ZBBX: variants seen among roughly 807,000 people sequenced by gnomAD.
ZBBX encodes the protein zinc finger B-box domain containing, also known as zinc finger B-box domain-containing protein 1.
In ZBBX, 101 loss-of-function variants were observed where a neutral mutation model predicts 108.5. The ratio of observed to expected loss-of-function variants is 0.93; its 90% CI spans 0.79 to 1.10. The LOEUF (loss-of-function observed/expected upper bound fraction) is 1.10, where lower values mean the gene tolerates loss of function less well. ZBBX is among the 50% of genes least tolerant of loss of function. The pLI is 0.00. For missense variants in ZBBX, 1,009 were observed against 941.4 expected (o/e 1.07, Z -0.94); for synonymous variants, 356 against 323.4 (o/e 1.10, Z -1.08).
chr3:167,334,851 C>G (rs1739295067), intron 9 of ZBBX, among the ~76,000 whole-genome samples: 1 of 152,136 alleles, frequency 6.6e-6, no homozygotes, highest in South Asian at 2.1e-4. Flanking sequence ...AAAGCCTTCA[C>G]TATCCAAAGG....
chr3:167,345,063 C>T (rs1315557201), intron 9 of ZBBX, among the ~76,000 whole-genome samples: 1 of 151,806 alleles, frequency 6.6e-6, no homozygotes, highest in African/African-American at 2.4e-5. Flanking sequence ...TTAAAAATTC[C>T]CTTGCTTTCA....
downstream of ZBBX, among the ~76,000 whole-genome samples, chr3:167,234,853 CA>C (rs1368247234): frequency 6.6e-6 from 1 of 151,706 alleles, no homozygotes; most frequent in African/African-American, 2.4e-5. Context: ...AAATTCTAGC[CA>C]ATAAGATGCA....
Position 167,240,913 on chromosome 3 carries a change from A to C in ZBBX, c.2400T>G (p.Ser800=), listed in dbSNP as rs1213025168. Residue 800 remains serine, a synonymous_variant, in exon 22 of 22, where the codon TCT becomes TCG. Coordinates refer to ENST00000675490, the MANE Select transcript of ZBBX (RefSeq NM_001199201.2). ...AAGACTGAATTTTGGTATCTCTTCC[A>C]GAACAGCTGAAAATACATAACAAGA... ...GPCGVEELSC[S]GRDTKIQSLL... 6.2e-7 allele frequency: 1 copy of C among 1,612,992 alleles called. No individual in the cohort carries two copies. The highest frequency in any genetic ancestry group is 2.2e-5 in the East Asian group (1 of 44,848).
At chr3:167,184,734 G>T in the ZBBX span, among the ~76,000 whole-genome samples, 1 of 151,932 alleles carries the variant, frequency 6.6e-6, no homozygotes, top group Non-Finnish European at 1.5e-5. Flanking sequence ...AGTGGGAGCC[G>T]CAGTGGCAAC....
At chr3:167,402,128 A>C (rs1396144732) in intron 1 of ZBBX, among the ~76,000 whole-genome samples, 1 of 152,160 alleles carries the variant, frequency 6.6e-6, no homozygotes, top group African/African-American at 2.4e-5. Flanking sequence ...CAAGCACAGT[A>C]ATAGTTTGCT....
At chr3:167,348,360 GAAAGAAAGAAAA>G (rs1419185258) in intron 9 of ZBBX, among the ~76,000 whole-genome samples, 7 of 123,798 alleles carry the variant, frequency 5.7e-5, no homozygotes, top group African/African-American at 2.0e-4. Flanking sequence ...AAGAAAGAAA[GAAAGAAAGAAAA>G]AAAAGAAAAG....
chr3:167,257,301 T>C (rs1279860323), intron 20 of ZBBX, among the ~76,000 whole-genome samples: 2 of 152,190 alleles, frequency 1.3e-5, no homozygotes, highest in Non-Finnish European at 2.9e-5. Flanking sequence ...TCAGTTCTAA[T>C]AGTATTTTGG....
chr3:167,361,592 A>G (rs12493595), intron 6 of ZBBX, among the ~76,000 whole-genome samples: 10,962 of 152,214 alleles, frequency 0.072, 468 homozygotes, highest in Admixed American at 0.11. Context: ...AATTATTCTC[A>G]GTGAATCTAG....
chr3:167,401,145 T>A (rs1748412656), intron 1 of ZBBX, among the ~76,000 whole-genome samples: 1 of 152,206 alleles, frequency 6.6e-6, no homozygotes, highest in African/African-American at 2.4e-5. Context: ...CTAGTTATTT[T>A]AAACTAATAT....
At chr3:167,236,197 T>A (rs1720224823), downstream of ZBBX, among the ~76,000 whole-genome samples, 1 of 151,744 alleles carries the variant, frequency 6.6e-6, no homozygotes, top group Admixed American at 6.6e-5. Context: ...AAATATTTTT[T>A]AAAAATTAAT....
chr3:167,196,831 TA>T, the ZBBX span, among the ~76,000 whole-genome samples: 12 of 151,346 alleles, frequency 7.9e-5, no homozygotes, highest in Admixed American at 1.3e-4. Context: ...TACCTGAGTT[TA>T]AAAAAAAATG....
Position 167,273,141 on chromosome 3 carries a change from G to A in ZBBX, c.2254+9097C>T, listed in dbSNP as rs538872962. 2.0e-3 allele frequency among the ~76,000 whole-genome samples: 297 copies of A among 152,224 alleles called. 1 individual carries two copies. The highest frequency in any genetic ancestry group is 6.9e-3 in the African/African-American group (285 of 41,518). The stretch of plus-strand genomic sequence containing the variant: ...TTCTGAGCTTTCTTCTAATCAGACT[G>A]CCATCTCTTCTATACCTAATGATAA... On this transcript the variant is annotated intron_variant, in intron 20 of 21. Coordinates refer to ENST00000675490, the MANE Select transcript of ZBBX (RefSeq NM_001199201.2).
chr3:167,406,866 T>C (rs2108646503), intron 1 of ZBBX, among the ~76,000 whole-genome samples: 1 of 152,232 alleles, frequency 6.6e-6, no homozygotes, highest in East Asian at 1.9e-4. Context: ...ATAGGGCAAA[T>C]TGGGAAAATC....
At chr3:167,393,654 G>A (rs1436876793) in intron 1 of ZBBX, among the ~76,000 whole-genome samples, 2 of 151,840 alleles carry the variant, frequency 1.3e-5, no homozygotes, top group South Asian at 2.1e-4. Flanking sequence ...AAAAGTTAAT[G>A]TAGTTGTTTG....
chr3:167,404,260 A>G (rs1748513942), intron 1 of ZBBX, among the ~76,000 whole-genome samples: 1 of 152,218 alleles, frequency 6.6e-6, no homozygotes, highest in Non-Finnish European at 1.5e-5. Context: ...GCTACTTATA[A>G]TAGAGCTTAA....
intron 2 of ZBBX, among the ~76,000 whole-genome samples, chr3:167,374,196 G>A (rs1054747758): frequency 1.3e-5 from 2 of 151,904 alleles, no homozygotes; most frequent in African/African-American, 4.8e-5. Context: ...ATTACCCAAA[G>A]GCATTCTAAT....
the ZBBX span, among the ~76,000 whole-genome samples, chr3:167,182,548 G>A: frequency 6.6e-6 from 1 of 152,140 alleles, no homozygotes; most frequent in Admixed American, 6.5e-5. Context: ...GCTCTTCTAT[G>A]GCATCATCCT....
At chr3:167,295,388 C>T (rs1731462242) in intron 18 of ZBBX, among the ~76,000 whole-genome samples, 1 of 151,858 alleles carries the variant, frequency 6.6e-6, no homozygotes, top group African/African-American at 2.4e-5. Flanking sequence ...ATGTCCTTTG[C>T]AGAGACATGG....
rs754518147 is a variant in ZBBX, at chr3:167,240,773, C to T, written c.*20G>A. 1.2e-6 allele frequency: 2 copies of T among 1,607,008 alleles called. No individual in the cohort carries two copies. Among genetic ancestry groups the T allele is most frequent in the South Asian group, 1.1e-5 (1 of 89,980 alleles). Reference sequence around the variant, plus strand: ...CTTTACTCTGGGTACAAAATGGAAACAGTAATGAACAAATAATCTTTAAGT... The same window carrying T: ...CTTTACTCTGGGTACAAAATGGAAATAGTAATGAACAAATAATCTTTAAGT... On this transcript the variant is annotated 3_prime_UTR_variant, in exon 22 of 22. Coordinates refer to ENST00000675490, the MANE Select transcript of ZBBX (RefSeq NM_001199201.2).
Sources: gnomAD v4.1 joint callset for allele counts (sites outside exome capture counted in the v4.1 genomes callset) on GRCh38, gnomAD v4.1.1 for gene constraint, MANE v1.5 for transcripts, NCBI Gene and HGNC (gene_info 2026-07-23, HGNC 2026-07-21) for gene names.